Variants in DLG2 observed in about 807,000 individuals in gnomAD.
DLG2 encodes discs large MAGUK scaffold protein 2, also known as disks large homolog 2.
Under a neutral mutation model 132.5 loss-of-function variants are expected in DLG2, and 45 were observed. The observed-to-expected ratio is 0.34, with a 90% confidence interval of 0.27 to 0.44. The LOEUF (loss-of-function observed/expected upper bound fraction) is 0.44, where lower values mean the gene tolerates loss of function less well. DLG2 is among the 20% of genes least tolerant of loss of function. DLG2 has a pLI of 1.00. For synonymous variants in DLG2, 424 were observed against 419.6 expected (o/e 1.01, Z -0.13); for missense variants, 1,045 against 1,196.9 (o/e 0.87, Z 1.87).
At chr11:83,875,718 T>C (rs759132171) in intron 15 of DLG2, among the ~76,000 whole-genome samples, 2 of 152,182 alleles carry the variant, frequency 1.3e-5, no homozygotes, top group Admixed American at 6.5e-5. Flanking sequence ...TATATACATA[T>C]ATGTATAAAA....
At chr11:83,920,982 A>C (rs2077773455) in intron 15 of DLG2, among the ~76,000 whole-genome samples, 1 of 152,148 alleles carries the variant, frequency 6.6e-6, no homozygotes, top group African/African-American at 2.4e-5. Flanking sequence ...CAATACTTGA[A>C]GAATTACTAC....
intron 6 of DLG2, among the ~76,000 whole-genome samples, chr11:84,970,329 T>G (rs902743865): frequency 2.0e-5 from 3 of 152,140 alleles, no homozygotes; most frequent in Non-Finnish European, 4.4e-5. Flanking sequence ...CTCCCTACCC[T>G]AAAGACTGAT....
chr11:84,678,409 C>T (rs769601193), intron 6 of DLG2, among the ~76,000 whole-genome samples: 4 of 151,980 alleles, frequency 2.6e-5, no homozygotes, highest in Admixed American at 6.6e-5. Context: ...GATCTCATTC[C>T]GCCATTAAGG....
At chr11:84,092,853 T>C (rs142622384) in intron 10 of DLG2, among the ~76,000 whole-genome samples, 127 of 152,008 alleles carry the variant, frequency 8.4e-4, no homozygotes, top group African/African-American at 3.0e-3. Context: ...CTGGCCAACA[T>C]GGTGAAACCC....
intron 5 of DLG2, among the ~76,000 whole-genome samples, chr11:85,152,891 AAC>A (rs2077347736): frequency 6.6e-6 from 1 of 152,194 alleles, no homozygotes; most frequent in African/African-American, 2.4e-5. Context: ...TCTCTTAATC[AAC>A]CAGTTTTAAT....
chr11:85,479,567 C>T (rs1257447734), intron 3 of DLG2, among the ~76,000 whole-genome samples: 2 of 152,120 alleles, frequency 1.3e-5, no homozygotes, highest in Non-Finnish European at 2.9e-5. Context: ...AAATAGAAAA[C>T]GGATTCATTA....
intron 4 of DLG2, among the ~76,000 whole-genome samples, chr11:85,280,215 C>T (rs2078142814): frequency 6.6e-6 from 1 of 151,962 alleles, no homozygotes; most frequent in African/African-American, 2.4e-5. Flanking sequence ...CAGGACTTTC[C>T]ACAAGATCAT....
chr11:84,436,640 G>T (rs1343873028), intron 7 of DLG2, among the ~76,000 whole-genome samples: 1 of 152,176 alleles, frequency 6.6e-6, no homozygotes, highest in Non-Finnish European at 1.5e-5. Flanking sequence ...AATTAGAGAT[G>T]TAAGCTATCA....
At chr11:84,804,478 C>G (rs1303979497) in intron 6 of DLG2, among the ~76,000 whole-genome samples, 3 of 152,132 alleles carry the variant, frequency 2.0e-5, no homozygotes. Flanking sequence ...ATAAAACAAG[C>G]ATGAGAATAC....
At chr11:85,482,000 T>C (rs1234363263) in intron 3 of DLG2, among the ~76,000 whole-genome samples, 1 of 151,902 alleles carries the variant, frequency 6.6e-6, no homozygotes, top group Non-Finnish European at 1.5e-5. Flanking sequence ...AGCACAAGGC[T>C]AAGCCCAGAG....
At position 84,261,647 on chromosome 11, in the gene DLG2, G is replaced by A. The variant is rs115158366; in HGVS notation, c.520-10356C>T. Among the ~76,000 whole-genome samples the A allele has an allele frequency of 1.8e-3, 272 of 152,268 alleles. 1 individual carries two copies. The highest frequency in any genetic ancestry group is 6.4e-3 in the African/African-American group (265 of 41,544). On this transcript the variant is annotated intron_variant, in intron 7 of 27. Transcript: ENST00000376104. ...TAATTGGTTCATGTGTGATATTCAT[G>A]TCTCCGTGCAGAAATTGTAATCATT...
rs150975479 is a variant in DLG2, at chr11:83,486,454, T to C, written c.2194-2226A>G. Among the ~76,000 whole-genome samples the C allele has an allele frequency of 9.4e-4, 143 of 152,206 alleles. 2 individuals are homozygous for C. Among genetic ancestry groups the C allele is most frequent in the South Asian group, 8.9e-3 (43 of 4,820 alleles). On this transcript the variant is annotated intron_variant, in intron 21 of 27. Transcript: ENST00000376104. ...CAGAGAGGGACAATGCAGAAGGCTT[T>C]GAGGGCCCAAAATGGGGCTGCATGC... is the stretch of plus-strand genomic sequence containing the variant.
At chr11:84,901,613 G>A (rs1452115553) in intron 6 of DLG2, among the ~76,000 whole-genome samples, 1 of 151,998 alleles carries the variant, frequency 6.6e-6, no homozygotes, top group Non-Finnish European at 1.5e-5. Context: ...TTCAGAATAA[G>A]AGAGTTAACT....
chr11:85,052,456 T>C (rs2062996166), intron 6 of DLG2, among the ~76,000 whole-genome samples: 1 of 152,180 alleles, frequency 6.6e-6, no homozygotes. Flanking sequence ...GCCAAACATT[T>C]TGCATTATAT....
At chr11:85,072,407 G>T (rs2065991188) in intron 6 of DLG2, among the ~76,000 whole-genome samples, 1 of 151,820 alleles carries the variant, frequency 6.6e-6, no homozygotes. Context: ...GTCTGGATTA[G>T]AACCCAGGGA....
intron 7 of DLG2, among the ~76,000 whole-genome samples, chr11:84,306,518 G>A (rs186674238): frequency 3.9e-5 from 6 of 152,214 alleles, no homozygotes; most frequent in African/African-American, 9.6e-5. Flanking sequence ...TGATTTTCGC[G>A]GAGTTATAGT....
At chr11:85,555,091 T>A (rs948593206) in intron 3 of DLG2, among the ~76,000 whole-genome samples, 8 of 151,838 alleles carry the variant, frequency 5.3e-5, no homozygotes, top group South Asian at 2.1e-4. Flanking sequence ...CTCATGATAA[T>A]TAAACTCTAC....
chr11:84,529,099 T>C (rs2099329217), intron 7 of DLG2, among the ~76,000 whole-genome samples: 1 of 152,318 alleles, frequency 6.6e-6, no homozygotes, highest in East Asian at 1.9e-4. Context: ...CATTTATTCC[T>C]ATTACTATTG....
intron 11 of DLG2, among the ~76,000 whole-genome samples, chr11:84,059,061 GA>G (rs1311086009): frequency 6.6e-6 from 1 of 152,034 alleles, no homozygotes; most frequent in African/African-American, 2.4e-5. Flanking sequence ...AAAATTTATA[GA>G]AAAACATAGA....
Sources: gnomAD v4.1 joint callset for allele counts (sites outside exome capture counted in the v4.1 genomes callset) on GRCh38, gnomAD v4.1.1 for gene constraint, MANE v1.5 for transcripts, NCBI Gene and HGNC (gene_info 2026-07-23, HGNC 2026-07-21) for gene names.